Variants in MID1 observed in about 807,000 individuals in gnomAD.
MID1 encodes the protein E3 ubiquitin-protein ligase Midline-1.
A neutral mutation model predicts 40.4 loss-of-function variants in MID1; 7 were observed. That is an observed-to-expected ratio of 0.17 (90% confidence interval 0.10 to 0.33). The LOEUF (loss-of-function observed/expected upper bound fraction) is 0.33. Ranked by LOEUF, MID1 falls within the 10% of genes least tolerant of loss-of-function variation. The pLI is 1.00. For synonymous variants in MID1, 229 were observed against 221.2 expected (o/e 1.04, Z -0.31); for missense variants, 367 against 558.5 (o/e 0.66, Z 3.46).
At chrX:10,535,411 G>T (rs1330185016) in intron 2 of MID1, among the ~76,000 whole-genome samples, 2 of 112,167 alleles carry the variant, frequency 1.8e-5, no homozygotes, top group African/African-American at 6.5e-5. Context: ...TATATAACAA[G>T]TACAGGAATA....
chrX:10,709,613 A>G (rs2043253509), intron 1 of MID1, among the ~76,000 whole-genome samples: 3 of 112,171 alleles, frequency 2.7e-5, no homozygotes, highest in Non-Finnish European at 5.6e-5. Context: ...CATAGTTGTC[A>G]CCCACTGAAA....
intron 1 of MID1, among the ~76,000 whole-genome samples, chrX:10,818,974 C>T (rs1207429313): frequency 8.9e-6 from 1 of 111,952 alleles, no homozygotes; most frequent in Non-Finnish European, 1.9e-5. Context: ...CATCACAGGG[C>T]ATTCAATAGC....
In MID1 at chrX:10,449,372, G is replaced by A. The variant is rs147106995; in HGVS notation, c.2000C>T (p.Pro667Leu). ...CAGCTCCATGTGGCCAGACGCTCACGGCAGCTGCTCTGTGCAGTCCAAATG... is the reference window on the plus strand; with the variant it reads ...CAGCTCCATGTGGCCAGACGCTCACAGCAGCTGCTCTGTGCAGTCCAAATG... ...PDHLDCTEQLP is the reference protein window; with the variant it reads ...PDHLDCTEQLL Residue 667 changes from proline to leucine, a missense_variant, in exon 10 of 10, where the codon CCG (proline) becomes CTG (leucine). By Grantham distance (98) the Pro-to-Leu change is moderately conservative. Around this residue, in one of 3 missense-constraint regions of MID1, gnomAD observed 275 missense variants for 383.1 expected, o/e 0.72. Transcript: ENST00000317552. The A allele has an allele frequency of 1.4e-3, 1,706 of 1,205,410 alleles. 14 individuals are homozygous for A. The Admixed American group carries it at 0.029, about 20-fold the overall frequency.
At chrX:10,549,805 A>G (rs1356477741) in intron 2 of MID1, among the ~76,000 whole-genome samples, 1 of 112,712 alleles carries the variant, frequency 8.9e-6, no homozygotes, top group East Asian at 2.8e-4. Flanking sequence ...CCAGGTTGAG[A>G]ACCACTGGAC....
At chrX:10,565,729 T>C (rs2147464981) in intron 2 of MID1, among the ~76,000 whole-genome samples, 1 of 111,837 alleles carries the variant, frequency 8.9e-6, no homozygotes, top group South Asian at 3.8e-4. Context: ...GACCCACTGT[T>C]GCCTGAAATT....
intron 1 of MID1, among the ~76,000 whole-genome samples, chrX:10,607,202 G>C (rs1401615459): frequency 8.9e-6 from 1 of 112,092 alleles, no homozygotes; most frequent in Non-Finnish European, 1.9e-5. Flanking sequence ...CGCTGGTAAG[G>C]AGATTCTTAT....
At chrX:10,758,154 T>C (rs1427772092) in intron 1 of MID1, among the ~76,000 whole-genome samples, 2 of 106,764 alleles carry the variant, frequency 1.9e-5, no homozygotes, top group Non-Finnish European at 3.8e-5. Flanking sequence ...TTTGTATTTT[T>C]TGTAGAGATG....
At chrX:10,525,894 T>C (rs1007532119) in intron 2 of MID1, among the ~76,000 whole-genome samples, 1 of 112,560 alleles carries the variant, frequency 8.9e-6, no homozygotes, top group Admixed American at 9.4e-5. Context: ...CATTGCCCCA[T>C]GTCATCTCCA....
intron 1 of MID1, among the ~76,000 whole-genome samples, chrX:10,798,023 C>A (rs2043978765): frequency 8.9e-6 from 1 of 112,388 alleles, no homozygotes; most frequent in African/African-American, 3.2e-5. Flanking sequence ...TGCTGCTGTT[C>A]TGAAACAGTT....
intron 1 of MID1, among the ~76,000 whole-genome samples, chrX:10,585,541 G>A (rs1050157829): frequency 6.3e-5 from 7 of 111,992 alleles, no homozygotes; most frequent in South Asian, 7.5e-4. Flanking sequence ...TCAGGAGAGC[G>A]TTTATAAACT....
intron 1 of MID1, among the ~76,000 whole-genome samples, chrX:10,781,760 A>T (rs748368993): frequency 8.9e-6 from 1 of 112,216 alleles, no homozygotes; most frequent in South Asian, 3.7e-4. Context: ...TGGAGATATG[A>T]TTTTCCATAT....
chrX:10,688,735 T>C (rs1295802642), intron 1 of MID1, among the ~76,000 whole-genome samples: 2 of 111,180 alleles, frequency 1.8e-5, no homozygotes, highest in East Asian at 5.6e-4. Flanking sequence ...TACTGTATTA[T>C]AGGAGAGACA....
intron 1 of MID1, among the ~76,000 whole-genome samples, chrX:10,791,812 C>A (rs999582249): frequency 9.0e-6 from 1 of 111,360 alleles, no homozygotes; most frequent in African/African-American, 3.3e-5. Flanking sequence ...TGTGTGCTTA[C>A]AATATGATAT....
At chrX:10,685,426 A>T (rs2043088495) in intron 1 of MID1, among the ~76,000 whole-genome samples, 2 of 111,723 alleles carry the variant, frequency 1.8e-5, no homozygotes, top group Admixed American at 1.9e-4. Flanking sequence ...CAGCCATAAA[A>T]TCTAAAAATA....
intron 1 of MID1, among the ~76,000 whole-genome samples, chrX:10,751,994 T>C (rs1241143425): frequency 9.0e-6 from 1 of 111,656 alleles, no homozygotes; most frequent in Non-Finnish European, 1.9e-5. Flanking sequence ...GCTCCCTCTC[T>C]TGCCATGTGA....
At chrX:10,749,293 G>A (rs1437904336) in intron 1 of MID1, among the ~76,000 whole-genome samples, 1 of 111,096 alleles carries the variant, frequency 9.0e-6, no homozygotes, top group Non-Finnish European at 1.9e-5. Context: ...GAGAAGACCA[G>A]CACGTTGCTG....
At chrX:10,715,758 C>A (rs2043298186) in intron 1 of MID1, among the ~76,000 whole-genome samples, 1 of 111,913 alleles carries the variant, frequency 8.9e-6, no homozygotes, top group African/African-American at 3.2e-5. Context: ...TCAAGTGGGT[C>A]CTTGACCCCC....
intron 2 of MID1, among the ~76,000 whole-genome samples, chrX:10,552,871 T>C (rs946939610): frequency 1.8e-5 from 2 of 111,916 alleles, no homozygotes; most frequent in Non-Finnish European, 3.8e-5. Context: ...GAAAAGTTAG[T>C]TTTGTTTTTT....
intron 1 of MID1, among the ~76,000 whole-genome samples, chrX:10,580,113 T>TACACAC (rs34361228): frequency 1.0e-5 from 1 of 100,314 alleles, no homozygotes; most frequent in Non-Finnish European, 2.0e-5. Context: ...TTAAAACACA[T>TACACAC]ACACACACAC....
Sources: allele counts gnomAD v4.1 joint callset (sites outside exome capture counted in the v4.1 genomes callset), GRCh38; gene constraint gnomAD v4.1.1; regional missense constraint gnomAD v4.1.1; transcripts MANE v1.5; gene names NCBI Gene and HGNC (gene_info 2026-07-23, HGNC 2026-07-21).